Variants in ESRRB observed in about 807,000 individuals in gnomAD.
The protein encoded by ESRRB is estrogen related receptor beta.
ESRRB carries 16 observed loss-of-function variants against 46.0 expected under a neutral mutation model. The observed-to-expected ratio is 0.35, with a 90% confidence interval of 0.24 to 0.53. The LOEUF (loss-of-function observed/expected upper bound fraction) is 0.53, where lower values mean the gene tolerates loss of function less well. Ranked by LOEUF, ESRRB falls within the 20% of genes least tolerant of loss-of-function variation. ESRRB has a pLI of 0.93. For missense variants in ESRRB, 488 were observed against 607.4 expected (o/e 0.80, Z 2.07); for synonymous variants, 246 against 259.6 (o/e 0.95, Z 0.50).
At chr14:76,396,145 C>T (rs982639449) in intron 1 of ESRRB, among the ~76,000 whole-genome samples, 1 of 152,004 alleles carries the variant, frequency 6.6e-6, no homozygotes, top group Non-Finnish European at 1.5e-5. Flanking sequence ...TGCACTCCAA[C>T]CTGGTGACAG....
At chr14:76,465,291 G>T (rs887480811) in intron 3 of ESRRB, among the ~76,000 whole-genome samples, 1 of 152,150 alleles carries the variant, frequency 6.6e-6, no homozygotes, top group Non-Finnish European at 1.5e-5. Context: ...GATGGGGGAG[G>T]TCGAGAGGGA....
In ESRRB at chr14:76,443,934, G is replaced by T. The variant is rs148444717; in HGVS notation, c.460+4184G>T. 3.3e-3 allele frequency among the ~76,000 whole-genome samples: 509 copies of T among 152,326 alleles called. 5 individuals carry two copies. Among genetic ancestry groups the T allele is most frequent in the African/African-American group, 0.011 (460 of 41,582 alleles). ...CTGCAGCCTCTTCTCTTTCCACAAG[G>T]AGAGTTTCAAGTTCGTAACCAGAAA... On this transcript the variant is annotated intron_variant, in intron 2 of 6. Coordinates refer to ENST00000644823, the MANE Select transcript of ESRRB (RefSeq NM_001379180.1).
intron 1 of ESRRB, among the ~76,000 whole-genome samples, chr14:76,346,460 G>T (rs1007707394): frequency 6.6e-6 from 1 of 152,236 alleles, no homozygotes; most frequent in Admixed American, 6.5e-5. Flanking sequence ...AGTGTCCTGG[G>T]TTTGAAAGCA....
chr14:76,352,929 A>C (rs1370721239), intron 1 of ESRRB, among the ~76,000 whole-genome samples: 1 of 151,784 alleles, frequency 6.6e-6, no homozygotes, highest in Non-Finnish European at 1.5e-5. Context: ...CGCTCCGCAC[A>C]CTCTGAGATC....
At chr14:76,364,013 T>A (rs1884494163) in intron 1 of ESRRB, among the ~76,000 whole-genome samples, 1 of 152,158 alleles carries the variant, frequency 6.6e-6, no homozygotes. Context: ...TGGGACTAAG[T>A]GGCAGAACAC....
intron 1 of ESRRB, among the ~76,000 whole-genome samples, chr14:76,385,298 C>T (rs898965857): frequency 3.9e-5 from 6 of 152,002 alleles, no homozygotes; most frequent in Non-Finnish European, 8.8e-5. Flanking sequence ...CATTCCACCC[C>T]CAAGGAATGC....
intron 3 of ESRRB, among the ~76,000 whole-genome samples, chr14:76,469,551 A>T (rs959785422): frequency 4.6e-5 from 7 of 152,310 alleles, no homozygotes; most frequent in Admixed American, 1.3e-4. Flanking sequence ...AAAAAATGTT[A>T]AAAAAATTTT....
chr14:76,396,222 A>G lies in ESRRB; in HGVS notation c.50+19771A>G, dbSNP rs146158634. Among the ~76,000 whole-genome samples the G allele has an allele frequency of 2.2e-4, 34 of 152,276 alleles. 1 individual carries two copies. Among genetic ancestry groups the G allele is most frequent in the Middle Eastern group, 3.4e-3 (1 of 294 alleles). On this transcript the variant is annotated intron_variant, in intron 1 of 6. Coordinates refer to ENST00000644823, the MANE Select transcript of ESRRB (RefSeq NM_001379180.1). ...AACAAAAAACAAAAAAACAGCCTTC[A>G]CAGGTTCATGTGGACTGAGATAAAA... is the stretch of plus-strand genomic sequence containing the variant.
chr14:76,383,389 C>T (rs554827596), intron 1 of ESRRB, among the ~76,000 whole-genome samples: 33 of 151,322 alleles, frequency 2.2e-4, no homozygotes, highest in African/African-American at 7.8e-4. Flanking sequence ...AAAAATGATG[C>T]CTGATAAAGG....
chr14:76,400,378 C>T (rs550743698), intron 1 of ESRRB, among the ~76,000 whole-genome samples: 4 of 152,306 alleles, frequency 2.6e-5, no homozygotes, highest in South Asian at 4.1e-4. Context: ...GGACTTCCAT[C>T]TGAAGACCGT....
At chr14:76,391,442 G>C (rs937863559) in intron 1 of ESRRB, among the ~76,000 whole-genome samples, 1 of 152,244 alleles carries the variant, frequency 6.6e-6, no homozygotes. Context: ...CCCACAGACC[G>C]CTGGCAATGC....
chr14:76,376,524 CT>C lies in ESRRB; in HGVS notation c.50+77del. 9.2e-7 allele frequency: 1 copy of C among 1,083,832 alleles called. No individual in the cohort carries two copies. The highest frequency in any genetic ancestry group is 1.2e-6 in the Non-Finnish European group (1 of 853,012). The allele number at this position is 1,083,832 out of a possible 1,614,324, so 67.1% of individuals were successfully genotyped here. A position where few individuals can be genotyped will look rare whatever the true frequency, so the allele number is the denominator to read the frequency against. On this transcript the variant is annotated intron_variant, in intron 1 of 6. Coordinates refer to ENST00000644823, the MANE Select transcript of ESRRB (RefSeq NM_001379180.1). This position sits in a 1 kb window ranked among gnomAD's most constrained non-coding sequence, Gnocchi z 4.1. ...GTCTCTGTCCTGGGGATCGCAGTTCCTTTTCTGCACATTCTTGTGTAAAAGT... is the reference window on the plus strand; with the variant it reads ...GTCTCTGTCCTGGGGATCGCAGTTCCTTTCTGCACATTCTTGTGTAAAAGT...
At chr14:76,415,998 T>A (rs985128977) in intron 1 of ESRRB, among the ~76,000 whole-genome samples, 1 of 152,222 alleles carries the variant, frequency 6.6e-6, no homozygotes, top group African/African-American at 2.4e-5. Context: ...TTTCATACCA[T>A]ATTACAGTAT....
At chr14:76,434,983 G>A (rs528483701) in intron 1 of ESRRB, among the ~76,000 whole-genome samples, 2 of 151,816 alleles carry the variant, frequency 1.3e-5, no homozygotes, top group Admixed American at 6.6e-5. Flanking sequence ...TTCCTTCTCC[G>A]AGGACTCAAG....
upstream of ESRRB, among the ~76,000 whole-genome samples, chr14:76,373,805 G>A (rs182394095): frequency 1.3e-5 from 2 of 152,306 alleles, no homozygotes; most frequent in East Asian, 3.9e-4. Flanking sequence ...TAAGGCTCTG[G>A]TTCACCTTCA....
chr14:76,470,542 C>G (rs532868087), intron 3 of ESRRB, among the ~76,000 whole-genome samples: 2 of 152,306 alleles, frequency 1.3e-5, no homozygotes, highest in Admixed American at 1.3e-4. Context: ...CCACTCACAG[C>G]CCAGGGCCAC....
intron 1 of ESRRB, among the ~76,000 whole-genome samples, chr14:76,320,818 C>G (rs1290702545): frequency 6.6e-6 from 1 of 152,132 alleles, no homozygotes; most frequent in East Asian, 1.9e-4. Context: ...CTGCCCCAAA[C>G]AAAGCCCTGA....
At chr14:76,469,926 GTTGTTTTTTTTTTTTTTCTT>G (rs1331202347) in intron 3 of ESRRB, among the ~76,000 whole-genome samples, 842 of 67,592 alleles carry the variant, frequency 0.012, 15 homozygotes, top group African/African-American at 0.041. Flanking sequence ...TGTGTTTTTT[GTTGTTTTTTTTTTTTTTCTT>G]TTTTTTTTTT....
At chr14:76,498,072 G>C (rs1193749665) in intron 6 of ESRRB, 142 bp from the exon 7 acceptor site, 1 of 964,904 alleles carries the variant, frequency 1.0e-6, no homozygotes, top group Non-Finnish European at 1.7e-6. Context: ...ACCTCTCTGG[G>C]CCTCAGATTG....
Sources: allele counts gnomAD v4.1 joint callset (sites outside exome capture counted in the v4.1 genomes callset), GRCh38; gene constraint gnomAD v4.1.1; non-coding constraint Gnocchi (gnomAD v3.1); transcripts MANE v1.5; gene names NCBI Gene and HGNC (gene_info 2026-07-23, HGNC 2026-07-21).